The following FAM120B variants were observed in gnomAD, a reference collection of about 807,000 sequenced individuals.
FAM120B encodes the protein family with sequence similarity 120 member B, also known as constitutive coactivator of peroxisome proliferator-activated receptor gamma.
FAM120B carries 83 observed loss-of-function variants against 96.3 expected under a neutral mutation model. The ratio of observed to expected loss-of-function variants is 0.86; its 90% CI spans 0.72 to 1.03. FAM120B has a LOEUF of 1.03. FAM120B is among the 50% of genes least tolerant of loss of function. FAM120B has a pLI of 0.00. For synonymous variants in FAM120B, 407 were observed against 402.7 expected (o/e 1.01, Z -0.13); for missense variants, 1,027 against 1,121.2 (o/e 0.92, Z 1.20).
At chr6:170,319,440 G>A (rs1384093766) in intron 2 of FAM120B, among the ~76,000 whole-genome samples, 5 of 152,206 alleles carry the variant, frequency 3.3e-5, no homozygotes, top group Non-Finnish European at 7.3e-5. Context: ...GCCCAAAGCA[G>A]GTGGGTCACC....
intron 5 of FAM120B, among the ~76,000 whole-genome samples, chr6:170,350,969 G>A (rs1787534344): frequency 6.6e-6 from 1 of 152,260 alleles, no homozygotes; most frequent in African/African-American, 2.4e-5. Context: ...GTAGGCTTCA[G>A]AAGGTGGGTA....
chr6:170,375,760 C>T (rs568575765), intron 6 of FAM120B, among the ~76,000 whole-genome samples: 50 of 152,202 alleles, frequency 3.3e-4, no homozygotes, highest in Non-Finnish European at 6.3e-4. Flanking sequence ...GCATAGGAGA[C>T]GCACAGGGCA....
In FAM120B at chr6:170,330,483, G is replaced by T. The variant is rs1166337509; in HGVS notation, c.1950G>T (p.Trp650Cys). ...GCACCTGCCTAGCTGTCAAGGAGTG[G>T]TTTGTGTATCCTGGGAACCCACTGA... ...VTSTCLAVKE[W>C]FVYPGNPLRH... The change falls in exon 4 of 11, where the codon TGG becomes TGT. Residue 650 changes from tryptophan (W) to cysteine (C), a missense_variant. Around this residue, in one of 3 missense-constraint regions of FAM120B, gnomAD observed 880 missense variants for 980.9 expected, o/e 0.90. Coordinates refer to ENST00000476287, the MANE Select transcript of FAM120B (RefSeq NM_032448.3). The T allele has an allele frequency of 6.2e-7, 1 of 1,614,154 alleles. No individual in the cohort carries two copies. Among genetic ancestry groups the T allele is most frequent in the Non-Finnish European group, 8.5e-7 (1 of 1,180,020 alleles).
At chr6:170,321,865 AATG>A (rs1194980086) in intron 2 of FAM120B, among the ~76,000 whole-genome samples, 1 of 152,234 alleles carries the variant, frequency 6.6e-6, no homozygotes, top group Non-Finnish European at 1.5e-5. Context: ...GCCTATGAAT[AATG>A]AATCAACATA....
chr6:170,404,466 C>A (rs1778731182), intron 9 of FAM120B, 84 bp from the exon 10 acceptor site: 1 of 1,223,704 alleles, frequency 8.2e-7, no homozygotes, highest in African/African-American at 1.5e-5. Flanking sequence ...CATCTTTGTT[C>A]ATACTTAGAA....
At chr6:170,355,564 GA>G (rs144773265) in intron 5 of FAM120B, among the ~76,000 whole-genome samples, 5 of 152,118 alleles carry the variant, frequency 3.3e-5, no homozygotes, top group Admixed American at 6.5e-5. Context: ...TGGGGACTGT[GA>G]GGGGGTCGGG....
intron 5 of FAM120B, among the ~76,000 whole-genome samples, chr6:170,350,438 G>A (rs981210380): frequency 2.0e-5 from 3 of 152,120 alleles, no homozygotes; most frequent in African/African-American, 7.2e-5. Flanking sequence ...GCAGCACATT[G>A]GCTCTACCAA....
intron 4 of FAM120B, among the ~76,000 whole-genome samples, chr6:170,346,888 T>C (rs1412552141): frequency 6.6e-6 from 1 of 152,236 alleles, no homozygotes; most frequent in African/African-American, 2.4e-5. Context: ...TGTCTTGGAC[T>C]CATCTCTATC....
At chr6:170,380,657 T>A (rs1789850142) in intron 6 of FAM120B, among the ~76,000 whole-genome samples, 1 of 152,232 alleles carries the variant, frequency 6.6e-6, no homozygotes, top group South Asian at 2.1e-4. Flanking sequence ...TTTAGAGAAA[T>A]GTCTATTCGT....
intron 4 of FAM120B, chr6:170,330,959 C>T (rs1268566430): frequency 6.0e-6 from 1 of 166,212 alleles, no homozygotes. Flanking sequence ...AACAATCTTA[C>T]CTTCTCCCCA....
At chr6:170,358,973 T>C (rs374889257) in intron 6 of FAM120B, among the ~76,000 whole-genome samples, 3 of 152,256 alleles carry the variant, frequency 2.0e-5, no homozygotes, top group Non-Finnish European at 4.4e-5. Flanking sequence ...GGATGGAATC[T>C]TAAAATTCTG....
At chr6:170,294,620 A>T (rs1166869304), upstream of FAM120B, among the ~76,000 whole-genome samples, 1 of 152,170 alleles carries the variant, frequency 6.6e-6, no homozygotes, top group African/African-American at 2.4e-5. The surrounding 1 kb of genome is among the most constrained non-coding windows in gnomAD (Gnocchi z 7.9). Flanking sequence ...TGTGTGCATG[A>T]CCTAATACCA....
intron 6 of FAM120B, among the ~76,000 whole-genome samples, chr6:170,378,553 G>A (rs923692045): frequency 3.9e-5 from 6 of 152,252 alleles, no homozygotes; most frequent in African/African-American, 1.4e-4. Context: ...TGAAGAGAAT[G>A]GGTATCAGTG....
At chr6:170,388,877 C>T (rs1430373804) in intron 7 of FAM120B, among the ~76,000 whole-genome samples, 1 of 152,252 alleles carries the variant, frequency 6.6e-6, no homozygotes, top group Admixed American at 6.5e-5. Context: ...GACCAGAAGC[C>T]TTAACCAATA....
intron 6 of FAM120B, among the ~76,000 whole-genome samples, chr6:170,371,653 A>T (rs1408992777): frequency 6.6e-6 from 1 of 152,260 alleles, no homozygotes; most frequent in Non-Finnish European, 1.5e-5. Flanking sequence ...TTAATTGAAG[A>T]AAAAAGCAAA....
upstream of FAM120B, among the ~76,000 whole-genome samples, chr6:170,293,542 A>G (rs1315421398): frequency 6.6e-6 from 1 of 152,162 alleles, no homozygotes; most frequent in Non-Finnish European, 1.5e-5. Context: ...CGTAAAATCC[A>G]TCAGAATCCT....
chr6:170,378,165 C>G (rs1411084601), intron 6 of FAM120B, among the ~76,000 whole-genome samples: 1 of 152,200 alleles, frequency 6.6e-6, no homozygotes. Flanking sequence ...AGACTTCCAT[C>G]AGAGATCACA....
chr6:170,352,333 G>A (rs1356196652), intron 5 of FAM120B, among the ~76,000 whole-genome samples: 1 of 152,150 alleles, frequency 6.6e-6, no homozygotes, highest in Non-Finnish European at 1.5e-5. Context: ...ATAATAGTGG[G>A]AGACTTTAAC....
chr6:170,364,216 C>T (rs1191531790), intron 6 of FAM120B, among the ~76,000 whole-genome samples: 1 of 152,178 alleles, frequency 6.6e-6, no homozygotes, highest in African/African-American at 2.4e-5. Flanking sequence ...GAGTCTCCTC[C>T]ACCTTCTCCG....
Sources: gnomAD v4.1 joint callset for allele counts (sites outside exome capture counted in the v4.1 genomes callset) on GRCh38, gnomAD v4.1.1 for gene constraint, gnomAD v4.1.1 regional missense constraint, Gnocchi (gnomAD v3.1) non-coding constraint, MANE v1.5 for transcripts, NCBI Gene and HGNC (gene_info 2026-07-23, HGNC 2026-07-21) for gene names.